Variants in UQCC6 observed in about 807,000 individuals in gnomAD.
UQCC6 encodes protein BRAWNIN.
chr12:103,954,007 A>G, the UQCC6 span, among the ~76,000 whole-genome samples: 6 of 152,350 alleles, frequency 3.9e-5, no homozygotes, highest in East Asian at 5.8e-4. Flanking sequence ...TTTTTAAAAG[A>G]GAAGCACTCT....
At chr12:103,951,277 C>T in the UQCC6 span, 3 of 340,158 alleles carry the variant, frequency 8.8e-6, no homozygotes, top group Non-Finnish European at 1.1e-5. Flanking sequence ...TTCTATTTCG[C>T]GTTATATTCA....
At chr12:103,956,835 C>A in the UQCC6 span, 2 of 774,810 alleles carry the variant, frequency 2.6e-6, no homozygotes, top group Non-Finnish European at 2.2e-6. Context: ...CAGCGCTGGA[C>A]ACGAGACACA....
chr12:103,964,378 A>G, the UQCC6 span, among the ~76,000 whole-genome samples: 1 of 152,080 alleles, frequency 6.6e-6, no homozygotes, highest in South Asian at 2.1e-4. Context: ...TCGGCCTCCC[A>G]AAGTGCTGGG....
chr12:103,952,137 T>C, the UQCC6 span, among the ~76,000 whole-genome samples: 3 of 152,048 alleles, frequency 2.0e-5, no homozygotes, highest in South Asian at 6.2e-4. Flanking sequence ...TTTTAGAAAA[T>C]TTTCATCACC....
chr12:103,957,305 AG>A, the UQCC6 span: 1 of 146,178 alleles, frequency 6.8e-6, no homozygotes, highest in South Asian at 2.1e-4. Flanking sequence ...GGAGAAAGCC[AG>A]TGACTTTTTT....
At chr12:103,957,766 C>T in the UQCC6 span, among the ~76,000 whole-genome samples, 1 of 151,424 alleles carries the variant, frequency 6.6e-6, no homozygotes, top group African/African-American at 2.4e-5. Context: ...GGGCCGGGGG[C>T]GGTGGCTTAC....
chr12:103,952,171 TAGC>T, the UQCC6 span, among the ~76,000 whole-genome samples: 1 of 152,194 alleles, frequency 6.6e-6, no homozygotes, highest in Non-Finnish European at 1.5e-5. Context: ...CCATACTTAT[TAGC>T]AGTCACTTTC....
chr12:103,959,254 T>G, the UQCC6 span, among the ~76,000 whole-genome samples: 3 of 152,230 alleles, frequency 2.0e-5, no homozygotes, highest in African/African-American at 7.2e-5. Context: ...CCCTTTTGGT[T>G]ATTTTAGGTT....
the UQCC6 span, among the ~76,000 whole-genome samples, chr12:103,961,180 TAA>T: frequency 4.7e-5 from 7 of 148,560 alleles, no homozygotes; most frequent in African/African-American, 9.9e-5. Context: ...TTTTTAAAAG[TAA>T]AAAAAAAAAA....
the UQCC6 span, chr12:103,954,739 G>A: frequency 0.021 from 10,783 of 516,778 alleles, 176 homozygotes; most frequent in Middle Eastern, 0.067. Context: ...AGTAGTTAAC[G>A]TGTCGTGAGC....
the UQCC6 span, chr12:103,956,328 A>G: frequency 4.0e-6 from 1 of 251,676 alleles, no homozygotes; most frequent in Non-Finnish European, 7.7e-6. Flanking sequence ...GCAGGCGTGA[A>G]TGTTAACAGG....
the UQCC6 span, among the ~76,000 whole-genome samples, chr12:103,961,387 C>T: frequency 6.6e-6 from 1 of 152,006 alleles, no homozygotes; most frequent in Non-Finnish European, 1.5e-5. Flanking sequence ...TTAGTGTAGC[C>T]TAGGTGTACA....
chr12:103,958,007 T>TATA, the UQCC6 span, among the ~76,000 whole-genome samples: 1 of 132,304 alleles, frequency 7.6e-6, no homozygotes, highest in Non-Finnish European at 1.7e-5. Flanking sequence ...TAATATATAT[T>TATA]TATTTTTAAT....
the UQCC6 span, among the ~76,000 whole-genome samples, chr12:103,963,666 C>T: frequency 2.4e-4 from 36 of 152,140 alleles, no homozygotes; most frequent in Non-Finnish European, 1.2e-4. Flanking sequence ...AGAAATCTTG[C>T]GTCTTTTGTC....
chr12:103,960,966 A>T, the UQCC6 span, among the ~76,000 whole-genome samples: 1 of 152,134 alleles, frequency 6.6e-6, no homozygotes. Context: ...AAAAAAAGGA[A>T]AGTTAACTGT....
the UQCC6 span, among the ~76,000 whole-genome samples, chr12:103,951,786 C>G: frequency 1.3e-5 from 2 of 152,224 alleles, no homozygotes; most frequent in African/African-American, 4.8e-5. Context: ...TCTGGTTGAT[C>G]TAAGTCCCTT....
the UQCC6 span, chr12:103,950,417 C>G: frequency 1.3e-5 from 2 of 152,236 alleles, no homozygotes; most frequent in Non-Finnish European, 2.9e-5. Flanking sequence ...GTGGGCCCAG[C>G]AGAGTTGCCC....
chr12:103,951,208 T>G, the UQCC6 span: 1 of 194,432 alleles, frequency 5.1e-6, no homozygotes, highest in Non-Finnish European at 1.0e-5. Flanking sequence ...GTTCATAGTT[T>G]TAAATAATTT....
At chr12:103,964,942 TACATG>T in the UQCC6 span, among the ~76,000 whole-genome samples, 1 of 152,098 alleles carries the variant, frequency 6.6e-6, no homozygotes, top group Non-Finnish European at 1.5e-5. Flanking sequence ...ATGAAGAAAA[TACATG>T]GAGCACAGAG....
Sources: gnomAD v4.1 joint callset for allele counts (sites outside exome capture counted in the v4.1 genomes callset) on GRCh38, gnomAD v4.1.1 for gene constraint, MANE v1.5 for transcripts, NCBI Gene and HGNC (gene_info 2026-07-23, HGNC 2026-07-21) for gene names.